Variants in COL25A1 observed in about 807,000 individuals in gnomAD.
COL25A1 encodes collagen alpha-1(XXV) chain.
In COL25A1, 103 loss-of-function variants were observed where a neutral mutation model predicts 128.4. The ratio of observed to expected loss-of-function variants is 0.80; its 90% CI spans 0.68 to 0.94. The LOEUF (loss-of-function observed/expected upper bound fraction) is 0.94, where lower values mean the gene tolerates loss of function less well. Among genes scored for constraint, COL25A1 ranks in the 40% least tolerant of loss-of-function variants. The pLI, the probability that COL25A1 is intolerant of heterozygous loss-of-function variation, is 0.00. For missense variants in COL25A1, 745 were observed against 840.0 expected, an observed-to-expected ratio of 0.89 and a Z score of 1.40; for synonymous variants, 279 against 277.2, an observed-to-expected ratio of 1.01 and a Z score of -0.06.
At chr4:108,996,288 GGAAAA>G (rs1200815774) in intron 6 of COL25A1, among the ~76,000 whole-genome samples, 11 of 118,984 alleles carry the variant, frequency 9.2e-5, no homozygotes, top group African/African-American at 1.6e-4. Flanking sequence ...CAAGCAAATG[GGAAAA>G]AAAAAAAAAA....
chr4:109,179,233 G>A (rs1363857137), intron 3 of COL25A1, among the ~76,000 whole-genome samples: 2 of 152,294 alleles, frequency 1.3e-5, no homozygotes, highest in South Asian at 2.1e-4. Context: ...AAGCTGGCAA[G>A]AGAAGCACAT....
intron 3 of COL25A1, among the ~76,000 whole-genome samples, chr4:109,114,975 T>C (rs1767396773): frequency 2.0e-5 from 3 of 152,106 alleles, no homozygotes; most frequent in Admixed American, 1.3e-4. Flanking sequence ...ATTAGATGAC[T>C]ACACCACTAA....
At chr4:109,128,605 G>A (rs1328534752) in intron 3 of COL25A1, among the ~76,000 whole-genome samples, 2 of 152,142 alleles carry the variant, frequency 1.3e-5, no homozygotes, top group Non-Finnish European at 2.9e-5. Context: ...AGCATGAGCT[G>A]CCCAGACTGT....
At chr4:109,188,149 G>A (rs1459370964) in intron 3 of COL25A1, among the ~76,000 whole-genome samples, 4 of 152,178 alleles carry the variant, frequency 2.6e-5, no homozygotes, top group Admixed American at 6.5e-5. Flanking sequence ...CCGATGTTCC[G>A]ATGCTCCTCC....
intron 5 of COL25A1, among the ~76,000 whole-genome samples, chr4:109,033,899 ATTAT>A (rs1759099357): frequency 6.6e-6 from 1 of 152,158 alleles, no homozygotes; most frequent in Non-Finnish European, 1.5e-5. Flanking sequence ...ATAATGGTGA[ATTAT>A]TTAAATATTT....
At chr4:109,063,773 G>A (rs1013586702) in intron 3 of COL25A1, among the ~76,000 whole-genome samples, 2 of 152,126 alleles carry the variant, frequency 1.3e-5, no homozygotes, top group Non-Finnish European at 2.9e-5. Flanking sequence ...GACTGGATAA[G>A]TAAGCCCCGT....
chr4:109,282,932 T>C (rs561274053), intron 3 of COL25A1, among the ~76,000 whole-genome samples: 2 of 152,312 alleles, frequency 1.3e-5, no homozygotes, highest in Admixed American at 1.3e-4. Context: ...TATGACTAGT[T>C]ACTATCTAAA....
intron 3 of COL25A1, among the ~76,000 whole-genome samples, chr4:109,172,313 C>CA (rs987690746): frequency 7.2e-5 from 11 of 152,106 alleles, no homozygotes; most frequent in African/African-American, 2.4e-4. Context: ...CAAGCAGATA[C>CA]AAAAAATGCG....
At chr4:109,159,182 T>C (rs1772322644) in intron 3 of COL25A1, among the ~76,000 whole-genome samples, 1 of 151,058 alleles carries the variant, frequency 6.6e-6, no homozygotes, top group Non-Finnish European at 1.5e-5. Flanking sequence ...ATAGAAAATA[T>C]AACATGCATT....
intron 6 of COL25A1, among the ~76,000 whole-genome samples, chr4:109,000,395 T>G (rs1421492638): frequency 6.6e-6 from 1 of 152,150 alleles, no homozygotes; most frequent in Non-Finnish European, 1.5e-5. Context: ...AGCTGGGATT[T>G]GAATTATGTA....
At chr4:108,818,671 T>A (rs1261027289) in intron 36 of COL25A1, among the ~76,000 whole-genome samples, 1 of 152,100 alleles carries the variant, frequency 6.6e-6, no homozygotes, top group Admixed American at 6.6e-5. Context: ...AAAGGTTATG[T>A]GGCAAAGAAG....
intron 5 of COL25A1, among the ~76,000 whole-genome samples, chr4:109,035,984 G>C (rs1579160169): frequency 6.6e-6 from 1 of 151,950 alleles, no homozygotes; most frequent in Non-Finnish European, 1.5e-5. Flanking sequence ...CTGGAGTGCA[G>C]TGGCGTGATC....
rs567802965 is a variant in COL25A1 at position 109,196,752 on chromosome 4, C to CA, written c.367+103830dup. ...CAGACTATGTCTGTAGTGGATTTAG[C>CA]AGAAAGCTACAGTGCTCCTGAGCAA... On this transcript the variant is annotated intron_variant, in intron 3 of 37. Coordinates refer to ENST00000399132, the MANE Select transcript of COL25A1 (RefSeq NM_198721.4). Among the ~76,000 whole-genome samples the CA allele has an allele frequency of 2.3e-3, 345 of 152,256 alleles. 2 individuals carry two copies. Among genetic ancestry groups the CA allele is most frequent in the African/African-American group, 7.6e-3 (317 of 41,544 alleles).
Position 109,011,818 on chromosome 4 carries a change from C to T in COL25A1, c.421-1443G>A, listed in dbSNP as rs1756620840. Among the ~76,000 whole-genome samples the T allele has an allele frequency of 2.0e-5, 3 of 152,204 alleles. No homozygotes were observed. The South Asian group carries it at 6.2e-4, about 31-fold the overall frequency. On this transcript the variant is annotated intron_variant, in intron 5 of 37. Coordinates refer to ENST00000399132, the MANE Select transcript of COL25A1 (RefSeq NM_198721.4). ...ACAAGAGCATTCTTCAAGTGCTTAA[C>T]ACTCTCAACTTGCCAACCACTCCAG... is the stretch of plus-strand genomic sequence containing the variant.
chr4:108,863,212 G>A, intron 21 of COL25A1, 107 bp downstream of exon 21: 2 of 1,001,760 alleles, frequency 2.0e-6, no homozygotes, highest in South Asian at 1.4e-5. Context: ...CAAACTATTT[G>A]TGATTTGGGC....
intron 13 of COL25A1, among the ~76,000 whole-genome samples, chr4:108,903,991 G>C (rs1288618193): frequency 6.6e-6 from 1 of 152,014 alleles, no homozygotes; most frequent in Non-Finnish European, 1.5e-5. Flanking sequence ...AAATGACTGA[G>C]AGCATTTTAC....
chr4:109,166,492 T>C (rs1180519412), intron 3 of COL25A1, among the ~76,000 whole-genome samples: 1 of 152,210 alleles, frequency 6.6e-6, no homozygotes, highest in Non-Finnish European at 1.5e-5. Flanking sequence ...GAATTCTAAT[T>C]TTCCCTGTTA....
chr4:109,088,741 T>C (rs1302161562), intron 3 of COL25A1, among the ~76,000 whole-genome samples: 1 of 152,200 alleles, frequency 6.6e-6, no homozygotes, highest in Non-Finnish European at 1.5e-5. Context: ...ATAGAAGACA[T>C]ACTCTTCTCT....
intron 5 of COL25A1, chr4:109,021,771 CCTGGGGGCAGGT>C: frequency 2.2e-6 from 1 of 453,356 alleles, no homozygotes; most frequent in South Asian, 1.6e-5. Flanking sequence ...GAATTGCATT[CCTGGGGGCAGGT>C]CTATAAACCA....
Sources: allele counts gnomAD v4.1 joint callset (sites outside exome capture counted in the v4.1 genomes callset), GRCh38; gene constraint gnomAD v4.1.1; transcripts MANE v1.5; gene names NCBI Gene and HGNC (gene_info 2026-07-23, HGNC 2026-07-21).